The following SIL1 variants were observed in gnomAD, a reference collection of about 807,000 sequenced individuals.
SIL1 encodes nucleotide exchange factor SIL1.
SIL1 carries 40 observed loss-of-function variants against 49.1 expected under a neutral mutation model. That is an observed-to-expected ratio of 0.81 (90% CI 0.63 to 1.06). The LOEUF (loss-of-function observed/expected upper bound fraction) is 1.06, where lower values mean the gene tolerates loss of function less well. SIL1 is among the 50% of genes least tolerant of loss of function. SIL1 has a pLI of 0.00. For missense variants in SIL1, 500 were observed against 572.6 expected (o/e 0.87, Z 1.29); for synonymous variants, 253 against 250.8 (o/e 1.01, Z -0.08).
chr5:138,952,074 C>T (rs1766793504), intron 7 of SIL1, among the ~76,000 whole-genome samples, 190 bp from the exon 8 acceptor site: 1 of 152,252 alleles, frequency 6.6e-6, no homozygotes, highest in South Asian at 2.1e-4. Context: ...CAGCGGCCCA[C>T]AGCACAGGTG....
At chr5:138,956,802 A>G (rs570306922) in intron 7 of SIL1, among the ~76,000 whole-genome samples, 3 of 152,314 alleles carry the variant, frequency 2.0e-5, no homozygotes, top group East Asian at 3.9e-4. Flanking sequence ...TTTAACAACA[A>G]CAACAACAAA....
intron 1 of SIL1, among the ~76,000 whole-genome samples, chr5:139,158,672 T>A (rs2161335): frequency 0.59 from 90,271 of 151,990 alleles, 28,659 homozygotes; most frequent in African/African-American, 0.81. Context: ...TGTAAAAAGA[T>A]AAGGAGTAAG....
chr5:139,085,583 AAAGG>A (rs1183724444), intron 3 of SIL1, among the ~76,000 whole-genome samples: 7 of 152,138 alleles, frequency 4.6e-5, no homozygotes, highest in African/African-American at 1.7e-4. Context: ...AGGCTGGGAG[AAAGG>A]AAGGAAGGAG....
chr5:139,142,832 G>A (rs148926189), intron 1 of SIL1, among the ~76,000 whole-genome samples: 4,443 of 151,898 alleles, frequency 0.029, 96 homozygotes, highest in Non-Finnish European at 0.042. Context: ...GCAGTGGCGC[G>A]ATCTCGGTTC....
chr5:139,068,655 GAA>G (rs745799045), intron 3 of SIL1, among the ~76,000 whole-genome samples: 2,858 of 64,806 alleles, frequency 0.044, 92 homozygotes, highest in African/African-American at 0.1. Context: ...GAATGAAAAG[GAA>G]AAAAAAAAAA....
intron 1 of SIL1, among the ~76,000 whole-genome samples, chr5:139,156,954 G>A (rs1390141728): frequency 6.6e-6 from 1 of 152,192 alleles, no homozygotes; most frequent in Non-Finnish European, 1.5e-5. Flanking sequence ...TATGACTCCA[G>A]GCCAGCACTC....
chr5:138,960,356 C>A (rs1240319315), intron 7 of SIL1, among the ~76,000 whole-genome samples: 1 of 151,522 alleles, frequency 6.6e-6, no homozygotes, highest in Non-Finnish European at 1.5e-5. Flanking sequence ...ACCACTTGAA[C>A]CATTTCTAAA....
chr5:139,174,006 C>T (rs1360003291), intron 1 of SIL1, among the ~76,000 whole-genome samples: 2 of 148,580 alleles, frequency 1.3e-5, no homozygotes, highest in Non-Finnish European at 3.0e-5. Flanking sequence ...CAGACAACAA[C>T]CTAACTTTAC....
intron 7 of SIL1, among the ~76,000 whole-genome samples, chr5:138,971,795 G>T (rs1767285333): frequency 6.6e-6 from 1 of 152,296 alleles, no homozygotes; most frequent in South Asian, 2.1e-4. Flanking sequence ...TTTGCTCAAT[G>T]CCTAGCACAA....
At chr5:139,019,770 T>C (rs989085088) in intron 7 of SIL1, among the ~76,000 whole-genome samples, 2 of 152,092 alleles carry the variant, frequency 1.3e-5, no homozygotes, top group Non-Finnish European at 2.9e-5. Context: ...AAGGGACGTA[T>C]AGGATAATTT....
In SIL1 at chr5:138,948,502, C is replaced by T. The variant is rs986182852; in HGVS notation, c.1030-1029G>A. Among the ~76,000 whole-genome samples, 11 of 152,184 alleles carry T rather than the reference C, an allele frequency of 7.2e-5. No homozygotes were observed. The highest frequency in any genetic ancestry group is 1.5e-4 in the Non-Finnish European group (10 of 68,042). On this transcript the variant is annotated intron_variant, in intron 9 of 9. Transcript: ENST00000394817. The surrounding 1 kb of genome is among the most constrained non-coding windows in gnomAD (Gnocchi z 4.8). ...GTGATAAAGACAAAATCAATCCCTT[C>T]CCTGGGACTGCGAGGCTCTGCAGGC...
chr5:139,075,320 C>T (rs570321154), intron 3 of SIL1, among the ~76,000 whole-genome samples: 1 of 152,136 alleles, frequency 6.6e-6, no homozygotes, highest in Non-Finnish European at 1.5e-5. Context: ...AACTCCCATC[C>T]CCTAGAACTT....
intron 7 of SIL1, among the ~76,000 whole-genome samples, chr5:139,004,027 C>A (rs1272237273): frequency 6.6e-6 from 1 of 152,164 alleles, no homozygotes; most frequent in African/African-American, 2.4e-5. Flanking sequence ...CTGTGGAGAA[C>A]TGATGAAAAT....
intron 7 of SIL1, among the ~76,000 whole-genome samples, chr5:138,964,878 A>G (rs1767103788): frequency 6.6e-6 from 1 of 152,274 alleles, no homozygotes; most frequent in African/African-American, 2.4e-5. Context: ...GCAAGGACAC[A>G]GCCTGGAATG....
chr5:139,053,797 G>C (rs1367747001), intron 3 of SIL1, among the ~76,000 whole-genome samples: 1 of 152,080 alleles, frequency 6.6e-6, no homozygotes, highest in Non-Finnish European at 1.5e-5. Context: ...CTTCTGAAAG[G>C]CATCCTCTAT....
chr5:139,034,811 A>T (rs1768867046), intron 5 of SIL1, among the ~76,000 whole-genome samples: 1 of 152,160 alleles, frequency 6.6e-6, no homozygotes. Context: ...GTCAAATGCT[A>T]TTTCTGTCTT....
chr5:138,979,860 T>A (rs980027764), intron 7 of SIL1, among the ~76,000 whole-genome samples: 3 of 152,180 alleles, frequency 2.0e-5, no homozygotes, highest in Non-Finnish European at 4.4e-5. Context: ...CAGTGTTAGA[T>A]GCAACACTCC....
chr5:139,185,053 AT>A (rs1291760538), intron 1 of SIL1, among the ~76,000 whole-genome samples: 1 of 152,244 alleles, frequency 6.6e-6, no homozygotes, highest in Non-Finnish European at 1.5e-5. Context: ...CGAGAAAAAA[AT>A]AATTGTTTCC....
chr5:139,099,118 G>A (rs927351423), intron 3 of SIL1, among the ~76,000 whole-genome samples: 1 of 151,982 alleles, frequency 6.6e-6, no homozygotes, highest in African/African-American at 2.4e-5. Context: ...CACCTGGCCT[G>A]AATAGACATT....
Sources: allele counts gnomAD v4.1 joint callset (sites outside exome capture counted in the v4.1 genomes callset), GRCh38; gene constraint gnomAD v4.1.1; non-coding constraint Gnocchi (gnomAD v3.1); transcripts MANE v1.5; gene names NCBI Gene and HGNC (gene_info 2026-07-23, HGNC 2026-07-21).